The following SPEF2 variants were observed in gnomAD, a reference collection of about 807,000 sequenced individuals.
SPEF2 encodes sperm flagella and cilia-associated protein 2.
SPEF2 carries 187 observed loss-of-function variants against 224.6 expected under a neutral mutation model. That is an observed-to-expected ratio of 0.83 (90% confidence interval 0.74 to 0.94). SPEF2 has a LOEUF of 0.94. Ranked by LOEUF, SPEF2 falls within the 40% of genes least tolerant of loss-of-function variation. SPEF2 has a pLI of 0.00. For missense variants in SPEF2, 2,170 were observed against 2,135.6 expected (o/e 1.02, Z -0.32); for synonymous variants, 715 against 707.3 (o/e 1.01, Z -0.17).
intron 28 of SPEF2, among the ~76,000 whole-genome samples, chr5:35,775,764 T>A (rs1753529976): frequency 6.6e-6 from 1 of 151,944 alleles, no homozygotes; most frequent in African/African-American, 2.4e-5. Flanking sequence ...GCGATGATGA[T>A]GAAAAAAGCC....
chr5:35,772,784 T>G (rs1753053980), intron 27 of SPEF2, among the ~76,000 whole-genome samples: 1 of 152,216 alleles, frequency 6.6e-6, no homozygotes, highest in South Asian at 2.1e-4. Context: ...TTACAGATGA[T>G]AAAACAGAAA....
In SPEF2 at chr5:35,751,073, A is replaced by ATATACG. The variant is rs1749511546; in HGVS notation, c.3331-2547_3331-2546insCGTATA. Among the ~76,000 whole-genome samples, 27 of 57,502 alleles carry ATATACG rather than the reference A, an allele frequency of 4.7e-4. 2 individuals carry two copies. The highest frequency in any genetic ancestry group is 8.2e-4 in the Non-Finnish European group (23 of 28,178). The allele number at this position is 57,502 out of a possible 152,430, so 37.7% of individuals were successfully genotyped here. ...TATATATACGTATATATATGTATATATATATACACACACACACACACACAT... is the reference window on the plus strand; with the variant it reads ...TATATATACGTATATATATGTATATATATACGTATATACACACACACACACACACAT... On this transcript the variant is annotated intron_variant, in intron 23 of 36. Transcript: ENST00000356031.
At chr5:35,649,948 G>C (rs896153242) in intron 6 of SPEF2, among the ~76,000 whole-genome samples, 1 of 152,112 alleles carries the variant, frequency 6.6e-6, no homozygotes, top group Non-Finnish European at 1.5e-5. Context: ...TTCACACTTT[G>C]TTTTCTATGA....
intron 23 of SPEF2, among the ~76,000 whole-genome samples, chr5:35,742,409 A>C (rs568621201): frequency 4.6e-5 from 7 of 152,234 alleles, no homozygotes; most frequent in African/African-American, 1.7e-4. Context: ...TACAAATTTG[A>C]AAACTTTACA....
chr5:35,777,524 A>T (rs1753761578), intron 29 of SPEF2, among the ~76,000 whole-genome samples: 2 of 152,086 alleles, frequency 1.3e-5, no homozygotes, highest in South Asian at 4.1e-4. Flanking sequence ...GCTCCCATCC[A>T]TGTGGCCATC....
chr5:35,736,220 G>T (rs1175668956), intron 21 of SPEF2, among the ~76,000 whole-genome samples: 1 of 152,106 alleles, frequency 6.6e-6, no homozygotes, highest in African/African-American at 2.4e-5. Context: ...AAATAAAATG[G>T]ATACCCTTTA....
At chr5:35,678,611 G>C (rs1028877232) in intron 10 of SPEF2, 3 of 152,218 alleles carry the variant, frequency 2.0e-5, no homozygotes, top group Non-Finnish European at 4.4e-5. Context: ...ACTTAACAAG[G>C]CTTCCAGGCT....
chr5:35,704,647 A>G lies in SPEF2; in HGVS notation c.2492A>G (p.Asp831Gly), dbSNP rs1256876115. The G allele has an allele frequency of 5.0e-6, 8 of 1,602,620 alleles. No individual in the cohort carries two copies. Among genetic ancestry groups the G allele is most frequent in the Non-Finnish European group, 6.8e-6 (8 of 1,170,468 alleles). ...AAGGATGGAGACCAAAATTTAAGAGACCAGATACAACATAGGTTAGTTTTT... is the reference window on the plus strand; with the variant it reads ...AAGGATGGAGACCAAAATTTAAGAGGCCAGATACAACATAGGTTAGTTTTT... ...QDKDGDQNLR[D>G]QIQHRIIGFL... Residue 831 changes from aspartate to glycine, a missense_variant, in exon 17 of 37, where the codon GAC becomes GGC. Physicochemically the swap from Asp to Gly is moderately conservative, Grantham distance 94. Transcript: ENST00000356031.
Position 35,696,529 on chromosome 5 carries a change from T to C in SPEF2, c.2037+733T>C, listed in dbSNP as rs116596845. Among the ~76,000 whole-genome samples the C allele has an allele frequency of 9.0e-3, 1,368 of 152,324 alleles. 17 individuals are homozygous for C. The highest frequency in any genetic ancestry group is 0.032 in the African/African-American group (1,331 of 41,566). ...AAAGTATGTTTTATATTTACATCTA[T>C]TGATTTTAAAATCTCACAAATTCCA... On this transcript the variant is annotated intron_variant, in intron 14 of 36. Coordinates refer to ENST00000356031, the MANE Select transcript of SPEF2 (RefSeq NM_024867.4).
At chr5:35,685,898 C>G (rs574593525) in intron 10 of SPEF2, among the ~76,000 whole-genome samples, 1 of 151,558 alleles carries the variant, frequency 6.6e-6, no homozygotes, top group Admixed American at 6.6e-5. Flanking sequence ...TTAAGGCAAT[C>G]CAGACTAGCA....
Position 35,656,268 on chromosome 5 carries a change from C to G in SPEF2, c.978+1542C>G, listed in dbSNP as rs546300687. ...TTTTATTCACCTACCCACGTCTGGT[C>G]TGCTTGTTCGCTGAAAGGAAATAAA... On this transcript the variant is annotated intron_variant, in intron 7 of 36. Coordinates refer to ENST00000356031, the MANE Select transcript of SPEF2 (RefSeq NM_024867.4). Among the ~76,000 whole-genome samples the G allele has an allele frequency of 2.0e-5, 3 of 152,242 alleles. No individual in the cohort carries two copies. In the East Asian group the frequency reaches 5.8e-4, roughly 29 times the overall value.
At chr5:35,778,993 T>C (rs1753965713) in intron 29 of SPEF2, 124 bp from the exon 30 acceptor site, 1 of 570,360 alleles carries the variant, frequency 1.8e-6, no homozygotes, top group African/African-American at 1.9e-5. Context: ...TTTATAAGCA[T>C]GCAGATGGAG....
chr5:35,773,812 T>C, intron 27 of SPEF2, 81 bp from the exon 28 acceptor site: 1 of 1,470,994 alleles, frequency 6.8e-7, no homozygotes, highest in East Asian at 2.4e-5. Context: ...CAAACTTTGC[T>C]TTGTGCTCAT....
chr5:35,769,654 G>A (rs762363877), intron 26 of SPEF2, among the ~76,000 whole-genome samples: 10 of 152,184 alleles, frequency 6.6e-5, no homozygotes, highest in East Asian at 3.9e-4. Flanking sequence ...TGGGAAGCAC[G>A]AGGCCCCTTT....
intron 34 of SPEF2, among the ~76,000 whole-genome samples, chr5:35,803,373 G>A (rs1757691405): frequency 6.6e-6 from 1 of 152,184 alleles, no homozygotes; most frequent in Admixed American, 6.5e-5. Context: ...CATTCACTGT[G>A]TGCTAGTGTT....
Position 35,763,584 on chromosome 5 carries a change from A to T in SPEF2, c.3683A>T (p.Lys1228Ile). 2 of 1,613,360 alleles carry T rather than the reference A, an allele frequency of 1.2e-6. No homozygotes were observed. Among genetic ancestry groups the T allele is most frequent in the Non-Finnish European group, 1.7e-6 (2 of 1,179,792 alleles). ...ACAGTTACACCCAAACCAAAAACAAAATCAGTACTGAAGGGCAAGATGGAT... is the reference window on the plus strand; with the variant it reads ...ACAGTTACACCCAAACCAAAAACAATATCAGTACTGAAGGGCAAGATGGAT... ...LETVTPKPKT[K>I]SVLKGKMDNS... The change falls in exon 26 of 37, where the codon AAA (lysine) becomes ATA (isoleucine). Residue 1228 changes from lysine (K) to isoleucine (I), a missense_variant. By Grantham distance (102) the Lys-to-Ile change is moderately radical. Coordinates refer to ENST00000356031, the MANE Select transcript of SPEF2 (RefSeq NM_024867.4).
chr5:35,709,576 T>C (rs1379490546), intron 19 of SPEF2: 3 of 986,352 alleles, frequency 3.0e-6, no homozygotes, highest in Non-Finnish European at 3.6e-6. Flanking sequence ...TTATATGTAA[T>C]TGTAAATCTT....
At chr5:35,807,284 G>T in intron 36 of SPEF2, 31 bp downstream of exon 36, 1 of 1,598,584 alleles carries the variant, frequency 6.3e-7, no homozygotes, top group South Asian at 1.1e-5. Context: ...CTCTAATTTG[G>T]TTGGGCTCCA....
chr5:35,621,120 A>G (rs1743445470), intron 1 of SPEF2, among the ~76,000 whole-genome samples: 1 of 152,238 alleles, frequency 6.6e-6, no homozygotes, highest in Non-Finnish European at 1.5e-5. Context: ...CAAACATCAC[A>G]TGACAAAATA....
Sources: gnomAD v4.1 joint callset for allele counts (sites outside exome capture counted in the v4.1 genomes callset) on GRCh38, gnomAD v4.1.1 for gene constraint, MANE v1.5 for transcripts, NCBI Gene and HGNC (gene_info 2026-07-23, HGNC 2026-07-21) for gene names.